Variants in GLIS1 observed in about 807,000 individuals in gnomAD.
GLIS1 encodes the protein zinc finger protein GLIS1.
Under a neutral mutation model 63.8 loss-of-function variants are expected in GLIS1, and 24 were observed. The ratio of observed to expected loss-of-function variants is 0.38; its 90% CI spans 0.27 to 0.53. The LOEUF is 0.53. GLIS1 is among the 20% of genes least tolerant of loss of function. GLIS1 has a pLI of 0.85. For missense variants in GLIS1, 1,036 were observed against 1,074.1 expected, an observed-to-expected ratio of 0.96 and a Z score of 0.50; for synonymous variants, 450 against 482.5, an observed-to-expected ratio of 0.93 and a Z score of 0.88.
In GLIS1 at chr1:53,709,721, C is replaced by G. The variant is rs575615355; in HGVS notation, c.259+28085G>C. ...GCCACACCCACTTCCATGAACCCCCCAGAGGCAGTTCCCATTCATCTCTGC... is the reference window on the plus strand; with the variant it reads ...GCCACACCCACTTCCATGAACCCCCGAGAGGCAGTTCCCATTCATCTCTGC... On this transcript the variant is annotated intron_variant, in intron 2 of 10. Coordinates refer to ENST00000628545, the MANE Select transcript of GLIS1 (RefSeq NM_001367484.1). 1.6e-4 allele frequency among the ~76,000 whole-genome samples: 25 copies of G among 152,282 alleles called. No individual in the cohort carries two copies. The South Asian group carries it at 5.2e-3, about 32-fold the overall frequency.
At chr1:53,558,795 C>T (rs4546869) in intron 4 of GLIS1, among the ~76,000 whole-genome samples, 51,429 of 152,100 alleles carry the variant, frequency 0.34, 8,971 homozygotes, top group Middle Eastern at 0.38. Context: ...ACCATTCACC[C>T]TGCTCCATTC....
At chr1:53,737,536 C>A (rs1646923358) in intron 2 of GLIS1, among the ~76,000 whole-genome samples, 1 of 152,224 alleles carries the variant, frequency 6.6e-6, no homozygotes, top group Admixed American at 6.5e-5. Context: ...AGTTTCTATG[C>A]AAGCTTTATC....
intron 4 of GLIS1, among the ~76,000 whole-genome samples, chr1:53,543,248 G>A (rs914511675): frequency 1.3e-5 from 2 of 152,222 alleles, no homozygotes; most frequent in Non-Finnish European, 2.9e-5. Flanking sequence ...CGGGGAAGTG[G>A]TCCTCCCTCA....
At chr1:53,558,438 T>G (rs1446483318) in intron 4 of GLIS1, among the ~76,000 whole-genome samples, 2 of 152,214 alleles carry the variant, frequency 1.3e-5, no homozygotes, top group Non-Finnish European at 2.9e-5. Flanking sequence ...ACCTTTCCAG[T>G]CGCTGCTCTG....
chr1:53,559,830 C>T (rs1330318912), intron 4 of GLIS1, among the ~76,000 whole-genome samples: 1 of 152,136 alleles, frequency 6.6e-6, no homozygotes, highest in African/African-American at 2.4e-5. Context: ...TCTACATCCC[C>T]CCCAGTCATA....
intron 2 of GLIS1, among the ~76,000 whole-genome samples, chr1:53,665,802 G>T (rs553768205): frequency 1.3e-5 from 2 of 152,280 alleles, no homozygotes; most frequent in African/African-American, 4.8e-5. Flanking sequence ...AGGAGGGAGT[G>T]AGTGTCTGTA....
intron 4 of GLIS1, among the ~76,000 whole-genome samples, chr1:53,547,573 A>C (rs1644716812): frequency 1.3e-5 from 2 of 151,884 alleles, no homozygotes; most frequent in African/African-American, 2.4e-5. Flanking sequence ...CAGCACACCT[A>C]CCCCTCCAGA....
At chr1:53,577,146 T>G (rs544965683) in intron 4 of GLIS1, among the ~76,000 whole-genome samples, 24 of 125,542 alleles carry the variant, frequency 1.9e-4, no homozygotes, top group Admixed American at 1.3e-3. Context: ...CCCTCCATGC[T>G]TCTTAGTCTA....
At chr1:53,632,372 G>A (rs528118693) in intron 2 of GLIS1, among the ~76,000 whole-genome samples, 2 of 147,740 alleles carry the variant, frequency 1.4e-5, no homozygotes, top group East Asian at 4.2e-4. Flanking sequence ...GGGACTGAGG[G>A]GTGTGTGAGT....
intron 2 of GLIS1, among the ~76,000 whole-genome samples, chr1:53,661,868 C>A (rs1646032477): frequency 6.6e-6 from 1 of 152,170 alleles, no homozygotes; most frequent in African/African-American, 2.4e-5. Context: ...GTCATTCAAC[C>A]CAGGACTGCC....
intron 2 of GLIS1, among the ~76,000 whole-genome samples, chr1:53,682,817 C>A (rs1472988084): frequency 6.6e-6 from 1 of 152,208 alleles, no homozygotes; most frequent in African/African-American, 2.4e-5. Flanking sequence ...ACTGTGGCCC[C>A]TAACTGTATG....
At chr1:53,546,609 A>G (rs12217072) in intron 4 of GLIS1, among the ~76,000 whole-genome samples, 84,776 of 151,634 alleles carry the variant, frequency 0.56, 24,386 homozygotes, top group Middle Eastern at 0.64. Flanking sequence ...GGGCTCGTCA[A>G]TCTGGCCTTG....
chr1:53,719,509 T>C (rs1370541490), intron 2 of GLIS1, among the ~76,000 whole-genome samples: 1 of 152,212 alleles, frequency 6.6e-6, no homozygotes, highest in Non-Finnish European at 1.5e-5. Context: ...TGCTTAGGAA[T>C]GTAGTGGCCA....
chr1:53,651,908 G>A (rs1200634026), intron 2 of GLIS1, among the ~76,000 whole-genome samples: 1 of 151,926 alleles, frequency 6.6e-6, no homozygotes, highest in African/African-American at 2.4e-5. Flanking sequence ...GACAAGCGGG[G>A]CACCCCAAGG....
At chr1:53,727,577 G>A (rs565530229) in intron 2 of GLIS1, among the ~76,000 whole-genome samples, 3 of 152,340 alleles carry the variant, frequency 2.0e-5, no homozygotes, top group African/African-American at 4.8e-5. Flanking sequence ...GACAAAAAGC[G>A]CCAATCCTGG....
chr1:53,725,352 A>C (rs1646795021), intron 2 of GLIS1, among the ~76,000 whole-genome samples: 1 of 152,180 alleles, frequency 6.6e-6, no homozygotes, highest in Non-Finnish European at 1.5e-5. Context: ...TTAGCCACCT[A>C]GAGAGCCCTT....
At chr1:53,656,790 G>A (rs1366283805) in intron 2 of GLIS1, among the ~76,000 whole-genome samples, 8 of 152,226 alleles carry the variant, frequency 5.3e-5, no homozygotes, top group East Asian at 3.8e-4. Flanking sequence ...TGGCAGTACC[G>A]GAGGGCCAGT....
intron 4 of GLIS1, among the ~76,000 whole-genome samples, chr1:53,544,212 G>A (rs911912299): frequency 1.6e-4 from 25 of 152,220 alleles, no homozygotes; most frequent in African/African-American, 6.0e-4. Flanking sequence ...TATGACCTGG[G>A]CACCAATAAT....
chr1:53,635,298 G>A (rs1645712194), intron 2 of GLIS1, among the ~76,000 whole-genome samples: 1 of 151,964 alleles, frequency 6.6e-6, no homozygotes, highest in Non-Finnish European at 1.5e-5. Flanking sequence ...ATGTCCTCTG[G>A]CCACATGTGA....
Sources: allele counts gnomAD v4.1 joint callset (sites outside exome capture counted in the v4.1 genomes callset), GRCh38; gene constraint gnomAD v4.1.1; transcripts MANE v1.5; gene names NCBI Gene and HGNC (gene_info 2026-07-23, HGNC 2026-07-21).